Variants in PTPRS observed in about 807,000 individuals in gnomAD.
PTPRS encodes the protein protein tyrosine phosphatase receptor type S, also known as receptor-type tyrosine-protein phosphatase S.
PTPRS carries 63 observed loss-of-function variants against 215.3 expected under a neutral mutation model. The ratio of observed to expected loss-of-function variants is 0.29; its 90% CI spans 0.24 to 0.36. The LOEUF is 0.36. PTPRS is among the 10% of genes least tolerant of loss of function. The pLI, the probability that PTPRS is intolerant of heterozygous loss-of-function variation, is 1.00. For synonymous variants in PTPRS, 1,404 were observed against 1,191.4 expected (o/e 1.18, Z -3.68); for missense variants, 2,258 against 2,825.8 (o/e 0.80, Z 4.56).
chr19:5,280,313 A>G (rs1437775264), intron 2 of PTPRS, among the ~76,000 whole-genome samples: 1 of 152,206 alleles, frequency 6.6e-6, no homozygotes, highest in Non-Finnish European at 1.5e-5. Flanking sequence ...GCTGGGCTTT[A>G]AACAAAACAG....
intron 7 of PTPRS, among the ~76,000 whole-genome samples, chr19:5,259,772 C>T (rs559415854): frequency 6.6e-6 from 1 of 152,264 alleles, no homozygotes; most frequent in South Asian, 2.1e-4. Flanking sequence ...GCTTTCCAGC[C>T]TTGTTTGTGA....
At position 5,208,351 on chromosome 19, in the gene PTPRS, T is replaced by C. The variant is rs2144929932; in HGVS notation, c.5528A>G (p.Asp1843Gly). 6.2e-7 allele frequency: 1 copy of C among 1,613,264 alleles called. No homozygotes were observed. The highest frequency in any genetic ancestry group is 1.3e-5 in the African/African-American group (1 of 75,026). ...SRTVRQFQFT[D>G]WPEQGVPKSG... ...CTTTGGCACACCCTGTTCCGGCCAG[T>C]CTGTGAACTGGAACTGCCGGACAGT... is the stretch of plus-strand genomic sequence containing the variant. Residue 1843 changes from aspartate to glycine, a missense_variant, in exon 36 of 38, where the codon GAC becomes GGC. By Grantham distance (94) the Asp-to-Gly change is moderately conservative. Around this residue, in one of 6 missense-constraint regions of PTPRS, gnomAD observed 927 missense variants for 1,125.9 expected, o/e 0.82. Transcript: ENST00000262963.
intron 13 of PTPRS, 121 bp from the exon 14 acceptor site, chr19:5,231,736 A>AGAACC: frequency 2.4e-6 from 1 of 409,038 alleles, no homozygotes; most frequent in South Asian, 2.1e-5. Flanking sequence ...CAAACAAAAC[A>AGAACC]GAACCAAACC....
Position 5,220,136 on chromosome 19 carries a change from G to A in PTPRS, c.3568C>T (p.Arg1190Trp), listed in dbSNP as rs1599436263. 3.7e-6 allele frequency: 6 copies of A among 1,612,126 alleles called. No homozygotes were observed. Among genetic ancestry groups the A allele is most frequent in the South Asian group, 1.1e-5 (1 of 91,062 alleles). Reference sequence around the variant, plus strand: ...TGCCGCAGGCTGCGCCTCTGTAGCCGTGAGATGTCCTGGATGAGCTGCGGG... The same window carrying A: ...TGCCGCAGGCTGCGCCTCTGTAGCCATGAGATGTCCTGGATGAGCTGCGGG... ...DLEELIQDISRLQRRSLRHSR... is the reference protein window; with the variant it reads ...DLEELIQDISWLQRRSLRHSR... The change falls in exon 22 of 38, where the codon CGG becomes TGG. Residue 1190 changes from arginine (R) to tryptophan (W), a missense_variant. Transcript: ENST00000262963.
At chr19:5,231,210 C>T (rs1599547976) in intron 14 of PTPRS, 100 bp downstream of exon 14, 2 of 1,263,536 alleles carry the variant, frequency 1.6e-6, no homozygotes, top group Non-Finnish European at 2.1e-6. Context: ...AGTGAGGCTT[C>T]CGCCCTTTGA....
chr19:5,229,274 G>A (rs2042794819), intron 16 of PTPRS, 42 bp downstream of exon 16: 22 of 1,367,800 alleles, frequency 1.6e-5, no homozygotes, highest in Non-Finnish European at 2.1e-5. Context: ...CGGCCCGCGG[G>A]AAGCGCACAG....
chr19:5,223,583 G>A (rs1473863853), intron 17 of PTPRS, among the ~76,000 whole-genome samples: 1 of 127,466 alleles, frequency 7.8e-6, no homozygotes, highest in African/African-American at 3.0e-5. Flanking sequence ...TTTTTTTTGA[G>A]ACAGAATCTT....
chr19:5,243,928 G>A lies in PTPRS; in HGVS notation c.1543C>T (p.Pro515Ser). ...CCCTGCTGCGTCTTGACCTGGATGG[G>A]GTCCGAGAGGGGCCCGTCGCCGACG... ...TSVGDGPLSD[P>S]IQVKTQQGVP... is the part of the protein sequence containing the mutation. The change falls in exon 11 of 38, where the codon CCC becomes TCC. Residue 515 changes from proline to serine, a missense_variant. Around this residue, in one of 6 missense-constraint regions of PTPRS, gnomAD observed 508 missense variants for 799.4 expected, o/e 0.64. Coordinates refer to ENST00000262963, the MANE Select transcript of PTPRS (RefSeq NM_002850.4). 1.3e-6 allele frequency: 2 copies of A among 1,557,902 alleles called. No homozygotes were observed. The highest frequency in any genetic ancestry group is 1.2e-5 in the South Asian group (1 of 85,152).
At chr19:5,258,440 T>G (rs1309903998) in intron 7 of PTPRS, among the ~76,000 whole-genome samples, 9 of 152,134 alleles carry the variant, frequency 5.9e-5, no homozygotes, top group African/African-American at 2.2e-4. Context: ...GAGAAAAGTG[T>G]GTTTGAGAAA....
At position 5,223,094 on chromosome 19, in the gene PTPRS, T is replaced by G; in HGVS notation, c.2698A>C (p.Thr900Pro). ...YTASGVHKGA[T>P]YVFRLAARSR... ...CGGGCCGCAAGCCGGAACACATACG[T>G]GGCCCCCTTGTGCACGCCTGATGCC... Residue 900 changes from threonine (T) to proline (P), a missense_variant, in exon 18 of 38, where the codon ACG becomes CCG. Physicochemically the swap from Thr to Pro is conservative, Grantham distance 38 (BLOSUM62 -1). Transcript: ENST00000262963. 1.3e-6 allele frequency: 2 copies of G among 1,563,246 alleles called. No individual in the cohort carries two copies. The highest frequency in any genetic ancestry group is 1.2e-5 in the South Asian group (1 of 85,134).
rs560759930 is a variant in PTPRS at position 5,321,011 on chromosome 19, C to T, written c.-95+19653G>A. Reference sequence around the variant, plus strand: ...CGGTGCTGGCTCATGCCTGTAATCCCAGCACTGTGGGAGGCTGAGGCAGGA... The same window carrying T: ...CGGTGCTGGCTCATGCCTGTAATCCTAGCACTGTGGGAGGCTGAGGCAGGA... On this transcript the variant is annotated intron_variant, in intron 1 of 37. Transcript: ENST00000262963. Among the ~76,000 whole-genome samples the T allele has an allele frequency of 6.6e-5, 10 of 152,292 alleles. No homozygotes were observed. The South Asian group carries it at 2.1e-3, about 32-fold the overall frequency.
intron 33 of PTPRS, among the ~76,000 whole-genome samples, chr19:5,211,105 C>T (rs1238961729): frequency 6.6e-6 from 1 of 152,250 alleles, no homozygotes; most frequent in Non-Finnish European, 1.5e-5. Context: ...CTTTCAGTTG[C>T]TTGCGTGGGC....
At chr19:5,238,791 C>T (rs903616215) in intron 13 of PTPRS, 128 bp downstream of exon 13, 16 of 1,280,560 alleles carry the variant, frequency 1.2e-5, no homozygotes, top group South Asian at 5.0e-5. Flanking sequence ...GGGAACAAAG[C>T]GGAGACAGGC....
At chr19:5,258,163 G>T (rs774954023) in intron 7 of PTPRS, 36 bp from the exon 8 acceptor site, 3 of 1,553,556 alleles carry the variant, frequency 1.9e-6, no homozygotes, top group Admixed American at 3.3e-5. Flanking sequence ...GTCTGTTAGA[G>T]GGGGGCCCAG....
intron 17 of PTPRS, among the ~76,000 whole-genome samples, chr19:5,225,185 G>T (rs1010170925): frequency 6.6e-6 from 1 of 152,180 alleles, no homozygotes; most frequent in Admixed American, 6.5e-5. Context: ...CTGAGGCAGG[G>T]CCACCAAGAG....
At chr19:5,207,622 G>C in intron 37 of PTPRS, among the ~76,000 whole-genome samples, 1 of 152,214 alleles carries the variant, frequency 6.6e-6, no homozygotes, top group East Asian at 1.9e-4. Context: ...GGTTGGACTT[G>C]GGGGTCAGTG....
intron 1 of PTPRS, chr19:5,292,629 CAG>C (rs1282535959): frequency 6.6e-6 from 1 of 152,416 alleles, no homozygotes; most frequent in Middle Eastern, 3.1e-3. Context: ...GTGGGGTCCA[CAG>C]GCCCGAGAGG....
Position 5,206,801 on chromosome 19 carries a change from G to C in PTPRS, c.5820C>G (p.Leu1940=). 1 of 1,614,132 alleles carries C rather than the reference G, an allele frequency of 6.2e-7. No individual in the cohort carries two copies. The highest frequency in any genetic ancestry group is 1.3e-5 in the African/African-American group (1 of 75,056). ...AGGTTGCATAGTGGTCAAAGCTTCC[G>C]AGGTACTCCAGTGCCGCCTGGTAAC... ...QFCYQAALEY[L]GSFDHYAT Residue 1940 remains leucine, a synonymous_variant, in exon 38 of 38, where the codon CTC becomes CTG. Coordinates refer to ENST00000262963, the MANE Select transcript of PTPRS (RefSeq NM_002850.4).
chr19:5,217,241 C>T (rs2041558048), intron 25 of PTPRS, among the ~76,000 whole-genome samples: 1 of 152,218 alleles, frequency 6.6e-6, no homozygotes, highest in African/African-American at 2.4e-5. Flanking sequence ...ACACAACAGA[C>T]ATCAGCTAGT....
Sources: allele counts gnomAD v4.1 joint callset (sites outside exome capture counted in the v4.1 genomes callset), GRCh38; gene constraint gnomAD v4.1.1; regional missense constraint gnomAD v4.1.1; transcripts MANE v1.5; gene names NCBI Gene and HGNC (gene_info 2026-07-23, HGNC 2026-07-21).